The following NCKAP5 variants were observed in gnomAD, a reference collection of about 807,000 sequenced individuals.
NCKAP5 encodes the protein NCK associated protein 5.
NCKAP5 carries 92 observed loss-of-function variants against 167.0 expected under a neutral mutation model. The observed-to-expected ratio is 0.55, with a 90% CI of 0.47 to 0.66. NCKAP5 has a LOEUF of 0.66. NCKAP5 is among the 30% of genes least tolerant of loss of function. The pLI is 0.00. For missense variants in NCKAP5, 2,378 were observed against 2,315.0 expected (o/e 1.03, Z -0.56); for synonymous variants, 891 against 877.4 (o/e 1.02, Z -0.27).
chr2:133,118,506 T>C (rs1481251030), intron 6 of NCKAP5: 1 of 152,210 alleles, frequency 6.6e-6, no homozygotes, highest in East Asian at 1.9e-4. Flanking sequence ...GAAATAATAC[T>C]TTATTCATTT....
chr2:133,516,917 G>C (rs1684048864), intron 3 of NCKAP5, among the ~76,000 whole-genome samples: 1 of 152,172 alleles, frequency 6.6e-6, no homozygotes, highest in Non-Finnish European at 1.5e-5. Flanking sequence ...TGTTTCACTG[G>C]ACTAAGCAGA....
rs1683467888 is a variant in NCKAP5, at chr2:132,785,313, C to T, written c.1498G>A (p.Gly500Ser). ...AVPNQSCRPH[G>S]SKLTHSVSDS... is the part of the protein sequence containing the mutation. ...GAAACACTGTGGGTTAATTTACTGCCATGTGGCCTGCAGCTCTGGTTTGGA... is the reference window on the plus strand; with the variant it reads ...GAAACACTGTGGGTTAATTTACTGCTATGTGGCCTGCAGCTCTGGTTTGGA... The change falls in exon 14 of 20, where the codon GGC (glycine) becomes AGC (serine). Residue 500 changes from glycine to serine, a missense_variant. By Grantham distance (56) the Gly-to-Ser change is moderately conservative. Around this residue, in one of 3 missense-constraint regions of NCKAP5, gnomAD observed 1,049 missense variants for 1,023.4 expected, o/e 1.02. Coordinates refer to ENST00000409261, the MANE Select transcript of NCKAP5 (RefSeq NM_207363.3). The T allele has an allele frequency of 6.2e-7, 1 of 1,611,106 alleles. No individual in the cohort carries two copies. The highest frequency in any genetic ancestry group is 8.5e-7 in the Non-Finnish European group (1 of 1,178,278).
chr2:133,331,028 C>CA (rs1682818481), intron 3 of NCKAP5, among the ~76,000 whole-genome samples: 2 of 152,056 alleles, frequency 1.3e-5, no homozygotes, highest in African/African-American at 4.8e-5. Context: ...TTTCACAGAT[C>CA]AAAAAATGAG....
chr2:133,612,983 T>C, the NCKAP5 span, among the ~76,000 whole-genome samples: 2 of 152,254 alleles, frequency 1.3e-5, no homozygotes, highest in Admixed American at 6.5e-5. Context: ...CTTACAGCAC[T>C]AATAAAGCAA....
At chr2:133,509,895 T>C (rs1683337429) in intron 3 of NCKAP5, among the ~76,000 whole-genome samples, 1 of 152,208 alleles carries the variant, frequency 6.6e-6, no homozygotes, top group African/African-American at 2.4e-5. Context: ...GTAGGTATTA[T>C]GCCAGCTCAG....
At chr2:132,794,261 TATAGAGAGAGAGAGAG>T (rs1250932405) in intron 12 of NCKAP5, among the ~76,000 whole-genome samples, 536 of 23,464 alleles carry the variant, frequency 0.023, 12 homozygotes, top group African/African-American at 0.074. Context: ...TATATATATA[TATAGAGAGAGAGAGAG>T]AGAGAGAGAG....
At chr2:133,599,769 G>C in the NCKAP5 span, among the ~76,000 whole-genome samples, 1 of 152,208 alleles carries the variant, frequency 6.6e-6, no homozygotes, top group African/African-American at 2.4e-5. Context: ...GAGATGCCGG[G>C]AGAGCATGAG....
intron 3 of NCKAP5, among the ~76,000 whole-genome samples, chr2:133,361,858 C>G (rs1165801505): frequency 6.6e-6 from 1 of 152,072 alleles, no homozygotes; most frequent in Admixed American, 6.6e-5. Flanking sequence ...ATATTAAATC[C>G]AGTTCATATA....
At chr2:133,107,005 A>T (rs1213510281) in intron 6 of NCKAP5, among the ~76,000 whole-genome samples, 1 of 152,116 alleles carries the variant, frequency 6.6e-6, no homozygotes, top group Admixed American at 6.6e-5. Flanking sequence ...CTTACATGGG[A>T]GCAATTTTTA....
At chr2:133,036,920 C>T (rs1327488392) in intron 6 of NCKAP5, among the ~76,000 whole-genome samples, 1 of 152,050 alleles carries the variant, frequency 6.6e-6, no homozygotes, top group African/African-American at 2.4e-5. Context: ...TTGGTAAAAC[C>T]TAAAGGCTCC....
intron 6 of NCKAP5, among the ~76,000 whole-genome samples, chr2:133,051,045 A>G (rs1396220383): frequency 6.6e-6 from 1 of 152,192 alleles, no homozygotes; most frequent in African/African-American, 2.4e-5. Flanking sequence ...AGGTAAAGTA[A>G]TCAGATTAAT....
intron 11 of NCKAP5, among the ~76,000 whole-genome samples, chr2:132,811,542 G>C (rs146619237): frequency 1.3e-5 from 2 of 152,052 alleles, no homozygotes; most frequent in Non-Finnish European, 2.9e-5. Flanking sequence ...AAAGCCGGCA[G>C]TCACAGGCCT....
intron 9 of NCKAP5, among the ~76,000 whole-genome samples, chr2:132,871,027 G>C (rs1690774150): frequency 6.6e-6 from 1 of 152,076 alleles, no homozygotes; most frequent in Admixed American, 6.5e-5. Context: ...GCTCTTCATT[G>C]AAACTATGAT....
At chr2:132,833,933 T>C (rs1687700409) in intron 11 of NCKAP5, among the ~76,000 whole-genome samples, 1 of 152,180 alleles carries the variant, frequency 6.6e-6, no homozygotes, top group South Asian at 2.1e-4. Context: ...GCATTGAATC[T>C]CTAGATTAGG....
intron 8 of NCKAP5, among the ~76,000 whole-genome samples, chr2:132,917,479 G>A (rs1694976331): frequency 6.6e-6 from 1 of 151,986 alleles, no homozygotes; most frequent in African/African-American, 2.4e-5. Flanking sequence ...TGGGTTGGTT[G>A]ACTCATTTGT....
intron 5 of NCKAP5, among the ~76,000 whole-genome samples, chr2:133,192,611 A>G (rs1273069722): frequency 2.6e-5 from 4 of 152,142 alleles, no homozygotes; most frequent in East Asian, 1.9e-4. Context: ...GAGACATTTC[A>G]AAGATTATAC....
At chr2:132,819,457 G>A (rs916955386) in intron 11 of NCKAP5, among the ~76,000 whole-genome samples, 4 of 152,078 alleles carry the variant, frequency 2.6e-5, no homozygotes, top group Admixed American at 1.3e-4. Context: ...AACTTCAAAA[G>A]GCCATTAAAA....
At chr2:133,207,586 G>A (rs964268173) in intron 5 of NCKAP5, among the ~76,000 whole-genome samples, 1 of 151,878 alleles carries the variant, frequency 6.6e-6, no homozygotes, top group Middle Eastern at 3.4e-3. Context: ...AAATACCCAA[G>A]ATAAGCCTGG....
chr2:132,781,962 A>C lies in NCKAP5; in HGVS notation c.4849T>G (p.Phe1617Val). The C allele has an allele frequency of 6.2e-7, 1 of 1,613,000 alleles. No individual in the cohort carries two copies. Among genetic ancestry groups the C allele is most frequent in the Non-Finnish European group, 8.5e-7 (1 of 1,179,246 alleles). ...TACCTGTTCAAGAGTTCCGTCATGA[A>C]GGTGTCTTTCGTTGAACATGCAACA... ...SPVACSTKDT[F>V]MTELLNRVDK... is the part of the protein sequence containing the mutation. The change falls in exon 14 of 20, where the codon TTC (phenylalanine) becomes GTC (valine). Residue 1617 changes from phenylalanine (F) to valine (V), a missense_variant. Physicochemically the swap from Phe to Val is conservative, Grantham distance 50. Around this residue, in one of 3 missense-constraint regions of NCKAP5, gnomAD observed 1,325 missense variants for 1,274.5 expected, o/e 1.04. Coordinates refer to ENST00000409261, the MANE Select transcript of NCKAP5 (RefSeq NM_207363.3).
Sources: allele counts gnomAD v4.1 joint callset (sites outside exome capture counted in the v4.1 genomes callset), GRCh38; gene constraint gnomAD v4.1.1; regional missense constraint gnomAD v4.1.1; transcripts MANE v1.5; gene names NCBI Gene and HGNC (gene_info 2026-07-23, HGNC 2026-07-21).